C2orf80: variants seen among roughly 807,000 people sequenced by gnomAD.
C2orf80 encodes uncharacterized protein C2orf80.
A neutral mutation model predicts 30.2 loss-of-function variants in C2orf80; 28 were observed. That is an observed-to-expected ratio of 0.93 (90% CI 0.69 to 1.27). The LOEUF (loss-of-function observed/expected upper bound fraction) is 1.27. C2orf80 is among the 50% of genes most tolerant of loss of function. The pLI is 0.00. For synonymous variants in C2orf80, 80 were observed against 76.4 expected (o/e 1.05, Z -0.24); for missense variants, 220 against 231.0 (o/e 0.95, Z 0.31).
chr2:208,183,084 T>A (rs754711074), intron 3 of C2orf80, 37 bp from the exon 4 acceptor site: 1 of 1,573,614 alleles, frequency 6.4e-7, no homozygotes, highest in South Asian at 1.1e-5. Context: ...AGAAACAGGC[T>A]TAGACATTGG....
intron 6 of C2orf80, among the ~76,000 whole-genome samples, chr2:208,177,827 TA>T (rs1462012497): frequency 0.011 from 1,598 of 151,730 alleles, 32 homozygotes; most frequent in African/African-American, 0.036. Flanking sequence ...TTTATTTATT[TA>T]TTTTTTATTT....
At chr2:208,171,186 C>T (rs978468904) in intron 7 of C2orf80, 123 bp from the exon 8 acceptor site, 2 of 710,486 alleles carry the variant, frequency 2.8e-6, no homozygotes, top group Admixed American at 2.4e-5. Flanking sequence ...CACTTTGTCA[C>T]TCAGGCTGGA....
chr2:208,173,421 G>A (rs1054418521), intron 6 of C2orf80, among the ~76,000 whole-genome samples: 3 of 152,030 alleles, frequency 2.0e-5, no homozygotes, highest in South Asian at 4.1e-4. Context: ...TCAGGAGATC[G>A]AAACTATCCT....
intron 6 of C2orf80, among the ~76,000 whole-genome samples, chr2:208,175,051 G>A (rs1340686256): frequency 2.0e-5 from 3 of 152,152 alleles, no homozygotes; most frequent in Non-Finnish European, 4.4e-5. Context: ...AGGCCGAGGG[G>A]GGTGGGTGGA....
At chr2:208,173,563 T>C (rs1258050682) in intron 6 of C2orf80, among the ~76,000 whole-genome samples, 2 of 152,078 alleles carry the variant, frequency 1.3e-5, no homozygotes, top group East Asian at 3.9e-4. Context: ...AGGCGGAGCT[T>C]GCCGTGAGCC....
rs779809730 is a variant in C2orf80 at position 208,180,727 on chromosome 2, A to G, written c.366+18T>C. ...TCTCTAAAAATCCCTTCTATTGACA[A>G]TCCCAGGTCACCCTTACCTTGATGG... On this transcript the variant is annotated intron_variant, in intron 6 of 8. Coordinates refer to ENST00000341287, the MANE Select transcript of C2orf80 (RefSeq NM_001099334.3). 2 of 1,601,370 alleles carry G rather than the reference A, an allele frequency of 1.2e-6. No homozygotes were observed. Among genetic ancestry groups the G allele is most frequent in the African/African-American group, 1.3e-5 (1 of 74,492 alleles).
chr2:208,175,164 T>C (rs1696243132), intron 6 of C2orf80, among the ~76,000 whole-genome samples: 1 of 142,118 alleles, frequency 7.0e-6, no homozygotes, highest in African/African-American at 2.5e-5. Context: ...CGCGCACCTG[T>C]AATTCCAGCT....
intron 4 of C2orf80, among the ~76,000 whole-genome samples, chr2:208,181,572 T>C (rs1485657287): frequency 1.1e-4 from 16 of 152,182 alleles, no homozygotes; most frequent in Admixed American, 9.8e-4. Context: ...TGGTGGATGT[T>C]GATGGTTTTG....
intron 6 of C2orf80, among the ~76,000 whole-genome samples, chr2:208,178,907 G>A (rs1696458851): frequency 6.6e-6 from 1 of 152,124 alleles, no homozygotes; most frequent in East Asian, 1.9e-4. Flanking sequence ...ACAGGCGACC[G>A]CCACCACACC....
chr2:208,165,861 A>G, intron 8 of C2orf80, 46 bp from the exon 9 acceptor site: 1 of 1,312,402 alleles, frequency 7.6e-7, no homozygotes. Context: ...TCAATTTAAC[A>G]TGGACACAGA....
At chr2:208,180,650 A>G (rs1696526789) in intron 6 of C2orf80, 95 bp downstream of exon 6, 3 of 966,426 alleles carry the variant, frequency 3.1e-6, no homozygotes, top group South Asian at 1.7e-5. Flanking sequence ...CTGTTATTTC[A>G]TAATTGATGT....
intron 6 of C2orf80, among the ~76,000 whole-genome samples, chr2:208,176,996 CA>C (rs1559340751): frequency 8.0e-5 from 1 of 12,478 alleles, no homozygotes; most frequent in African/African-American, 2.1e-4. Context: ...TATATGTATA[CA>C]TATATACATA....
intron 6 of C2orf80, among the ~76,000 whole-genome samples, chr2:208,179,933 G>A (rs1018434529): frequency 6.6e-6 from 1 of 152,024 alleles, no homozygotes; most frequent in African/African-American, 2.4e-5. Context: ...GAGGATTACT[G>A]GATTACCAGG....
chr2:208,187,487 A>G (rs938258754), intron 1 of C2orf80, among the ~76,000 whole-genome samples: 3 of 152,158 alleles, frequency 2.0e-5, no homozygotes, highest in East Asian at 1.9e-4. Context: ...CATAGAATCC[A>G]TCTACACTCT....
chr2:208,176,903 ATCTG>A (rs145529277), intron 6 of C2orf80, among the ~76,000 whole-genome samples: 3,066 of 92,512 alleles, frequency 0.033, 339 homozygotes, highest in African/African-American at 0.12. Context: ...ATATATACAT[ATCTG>A]TGTATACATA....
chr2:208,182,004 A>C (rs1043790155), intron 4 of C2orf80, among the ~76,000 whole-genome samples: 2 of 152,150 alleles, frequency 1.3e-5, no homozygotes, highest in African/African-American at 4.8e-5. Flanking sequence ...TTTTTTGCTT[A>C]AGGCTGTTCA....
rs371068361 is a variant in C2orf80 at position 208,184,953 on chromosome 2, T to G, written c.121A>C (p.Met41Leu). 3 of 1,612,898 alleles carry G rather than the reference T, an allele frequency of 1.9e-6. No individual in the cohort carries two copies. The highest frequency in any genetic ancestry group is 1.7e-4 in the Middle Eastern group (1 of 6,054). The change falls in exon 3 of 9, where the codon ATG (methionine) becomes CTG (leucine). Residue 41 changes from methionine (M) to leucine (L), a missense_variant and splice_region_variant. Physicochemically the swap from Met to Leu is conservative, Grantham distance 15. Transcript: ENST00000341287. ...GRRQLTFLDD[M>L]AHYDLAISVA... ...CGCATCAGCGTGCCTTTCTTTACCATATCATCTAGAAAGGTGAGTTGCCGT... is the reference window on the plus strand; with the variant it reads ...CGCATCAGCGTGCCTTTCTTTACCAGATCATCTAGAAAGGTGAGTTGCCGT...
intron 4 of C2orf80, among the ~76,000 whole-genome samples, chr2:208,182,290 C>T (rs1344257235): frequency 1.3e-5 from 2 of 152,184 alleles, no homozygotes; most frequent in African/African-American, 4.8e-5. Context: ...ACATGTCTGC[C>T]TAAATGCTTA....
chr2:208,167,469 C>T (rs1363832390), intron 8 of C2orf80, among the ~76,000 whole-genome samples: 1 of 151,830 alleles, frequency 6.6e-6, no homozygotes, highest in Non-Finnish European at 1.5e-5. Context: ...TTGCAGTGAG[C>T]CGAGATAACA....
Sources: gnomAD v4.1 joint callset for allele counts (sites outside exome capture counted in the v4.1 genomes callset) on GRCh38, gnomAD v4.1.1 for gene constraint, MANE v1.5 for transcripts, NCBI Gene and HGNC (gene_info 2026-07-23, HGNC 2026-07-21) for gene names.